Variants in SLC38A6 observed in about 807,000 individuals in gnomAD.
SLC38A6 encodes solute carrier family 38 member 6.
A neutral mutation model predicts 65.0 loss-of-function variants in SLC38A6; 73 were observed. That is an observed-to-expected ratio of 1.12 (90% CI 0.93 to 1.37). The LOEUF (loss-of-function observed/expected upper bound fraction) is 1.37, where lower values mean the gene tolerates loss of function less well. SLC38A6 is among the 40% of genes most tolerant of loss of function. The probability of loss-of-function intolerance (pLI) is 0.00; values close to 1 mark genes in which losing one functional copy is unlikely to be tolerated. For synonymous variants in SLC38A6, 183 were observed against 178.8 expected, an observed-to-expected ratio of 1.02 and a Z score of -0.19; for missense variants, 561 against 531.1, an observed-to-expected ratio of 1.06 and a Z score of -0.55.
At chr14:61,044,047 T>C (rs766056504) in intron 10 of SLC38A6, among the ~76,000 whole-genome samples, 1 of 152,110 alleles carries the variant, frequency 6.6e-6, no homozygotes, top group Non-Finnish European at 1.5e-5. Flanking sequence ...CATAGGATAC[T>C]GGAAATGCCT....
At chr14:60,984,647 T>A in intron 2 of SLC38A6, 83 bp from the exon 3 acceptor site, 2 of 1,073,646 alleles carry the variant, frequency 1.9e-6, no homozygotes, top group East Asian at 2.4e-5. Context: ...ATTTGACTGT[T>A]AAGCAATTTG....
At chr14:61,067,175 A>T (rs1040327432) in intron 15 of SLC38A6, among the ~76,000 whole-genome samples, 1 of 152,136 alleles carries the variant, frequency 6.6e-6, no homozygotes, top group Non-Finnish European at 1.5e-5. Context: ...GTCTCTTTCT[A>T]TATCTTTCTA....
intron 3 of SLC38A6, among the ~76,000 whole-genome samples, chr14:60,994,085 G>A (rs1031596823): frequency 6.6e-6 from 1 of 152,112 alleles, no homozygotes; most frequent in Non-Finnish European, 1.5e-5. Context: ...GTGCTCCTTG[G>A]TATTTACCCA....
At chr14:61,017,829 G>A (rs1413603570) in intron 4 of SLC38A6, among the ~76,000 whole-genome samples, 4 of 152,172 alleles carry the variant, frequency 2.6e-5, no homozygotes, top group African/African-American at 9.7e-5. Flanking sequence ...AGGAGTTGTT[G>A]TTTGGTTGCT....
chr14:60,999,782 T>C (rs908696020), intron 3 of SLC38A6, among the ~76,000 whole-genome samples: 1 of 152,214 alleles, frequency 6.6e-6, no homozygotes, highest in African/African-American at 2.4e-5. Flanking sequence ...AATCAAGGCA[T>C]GCCAGCAGCT....
downstream of SLC38A6, among the ~76,000 whole-genome samples, chr14:61,054,797 A>G: frequency 6.6e-6 from 1 of 152,150 alleles, no homozygotes; most frequent in East Asian, 1.9e-4. Flanking sequence ...GAATCATGTC[A>G]TCTGCAAACA....
chr14:61,051,243 A>C (rs183636137), intron 13 of SLC38A6, among the ~76,000 whole-genome samples: 34 of 152,278 alleles, frequency 2.2e-4, no homozygotes, highest in African/African-American at 8.2e-4. Context: ...TGGGGCTTCA[A>C]GCCTCCTCCC....
At chr14:61,030,424 A>G (rs1453913245) in intron 5 of SLC38A6, 21 bp from the exon 6 acceptor site, 5 of 1,549,750 alleles carry the variant, frequency 3.2e-6, no homozygotes, top group Non-Finnish European at 4.4e-6. Flanking sequence ...TCTAATAGGA[A>G]CACTATTTAT....
At chr14:61,051,636 A>G (rs1488862470) in intron 13 of SLC38A6, 151 bp from the exon 14 acceptor site, 1 of 768,344 alleles carries the variant, frequency 1.3e-6, no homozygotes, top group Non-Finnish European at 2.1e-6. Flanking sequence ...TTATGTGTAT[A>G]AATACTTTAT....
chr14:61,002,656 C>T (rs1259331912), intron 3 of SLC38A6, among the ~76,000 whole-genome samples: 1 of 152,120 alleles, frequency 6.6e-6, no homozygotes, highest in Non-Finnish European at 1.5e-5. Context: ...CTCTTGCTCT[C>T]GCCAAAATAT....
At chr14:60,981,754 G>A in intron 1 of SLC38A6, 1 of 1,286,510 alleles carries the variant, frequency 7.8e-7, no homozygotes, top group Non-Finnish European at 1.0e-6. Flanking sequence ...AGAGTCACAG[G>A]ATTTTCCTCT....
chr14:61,053,566 A>T (rs1309428039), downstream of SLC38A6, among the ~76,000 whole-genome samples: 1 of 152,020 alleles, frequency 6.6e-6, no homozygotes, highest in African/African-American at 2.4e-5. Context: ...TTGACTTTTT[A>T]TTAATAGCCA....
At chr14:60,992,154 A>C (rs1213593408) in intron 3 of SLC38A6, among the ~76,000 whole-genome samples, 1 of 152,200 alleles carries the variant, frequency 6.6e-6, no homozygotes, top group African/African-American at 2.4e-5. Flanking sequence ...ATAAACTTTT[A>C]TAGCTTAGCT....
At chr14:61,032,982 A>C (rs1033458734) in intron 6 of SLC38A6, among the ~76,000 whole-genome samples, 1 of 152,010 alleles carries the variant, frequency 6.6e-6, no homozygotes, top group Non-Finnish European at 1.5e-5. Flanking sequence ...AACTGTGTTC[A>C]TAATATTCTA....
At chr14:61,038,987 A>G (rs901564246) in intron 8 of SLC38A6, among the ~76,000 whole-genome samples, 1 of 152,218 alleles carries the variant, frequency 6.6e-6, no homozygotes, top group Non-Finnish European at 1.5e-5. Context: ...TACATATGCA[A>G]ATGAATGTAT....
chr14:61,011,299 C>T (rs1337462560), intron 3 of SLC38A6, among the ~76,000 whole-genome samples: 1 of 152,144 alleles, frequency 6.6e-6, no homozygotes, highest in South Asian at 2.1e-4. Context: ...GTGGGGTTTT[C>T]GAGATATACA....
At chr14:61,074,704 TCCCTC>T (rs2043341620) in intron 15 of SLC38A6, among the ~76,000 whole-genome samples, 2 of 116,980 alleles carry the variant, frequency 1.7e-5, no homozygotes, top group East Asian at 3.1e-4. Flanking sequence ...CCTCCCTCCC[TCCCTC>T]CCTTCCTTCC....
chr14:61,003,553 A>G (rs184170957), intron 3 of SLC38A6, among the ~76,000 whole-genome samples: 1 of 152,320 alleles, frequency 6.6e-6, no homozygotes, highest in African/African-American at 2.4e-5. Context: ...TTGCATTTCA[A>G]CAGTCAATAC....
chr14:61,038,913 A>T (rs992088999), intron 8 of SLC38A6, among the ~76,000 whole-genome samples: 1 of 152,196 alleles, frequency 6.6e-6, no homozygotes, highest in Admixed American at 6.5e-5. Context: ...TCCATATTGA[A>T]AAAGAAAAAA....
Sources: gnomAD v4.1 joint callset for allele counts (sites outside exome capture counted in the v4.1 genomes callset) on GRCh38, gnomAD v4.1.1 for gene constraint, MANE v1.5 for transcripts, NCBI Gene and HGNC (gene_info 2026-07-23, HGNC 2026-07-21) for gene names.